APOL4: variants seen among roughly 807,000 people sequenced by gnomAD.
The protein encoded by APOL4 is apolipoprotein L, 4.
A neutral mutation model predicts 12.1 loss-of-function variants in APOL4; 14 were observed. The observed-to-expected ratio is 1.16, with a 90% CI of 0.76 to 1.81. APOL4 has a LOEUF of 1.81. Ranked by LOEUF, APOL4 falls within the 40% of genes most tolerant of loss-of-function variation. The probability of loss-of-function intolerance (pLI) is 0.00; values close to 1 mark genes in which losing one functional copy is unlikely to be tolerated. For missense variants in APOL4, 432 were observed against 423.1 expected, an observed-to-expected ratio of 1.02 and a Z score of -0.18; for synonymous variants, 171 against 160.6, an observed-to-expected ratio of 1.06 and a Z score of -0.49.
At chr22:36,202,143 G>T, upstream of APOL4, 1 of 1,570,790 alleles carries the variant, frequency 6.4e-7, no homozygotes, top group Non-Finnish European at 8.7e-7. Context: ...GTTTTGCTGT[G>T]TCACCCAGGC....
chr22:36,195,104 G>T, intron 3 of APOL4: 1 of 555,514 alleles, frequency 1.8e-6, no homozygotes. Context: ...CCCTGCCCTT[G>T]TGGGCTTCTT....
chr22:36,202,518 G>A (rs922219027), upstream of APOL4, among the ~76,000 whole-genome samples: 1 of 152,166 alleles, frequency 6.6e-6, no homozygotes, highest in African/African-American at 2.4e-5. Context: ...ACAAGGTCAG[G>A]AGATGGAGAC....
chr22:36,195,137 C>T, intron 3 of APOL4, 174 bp downstream of exon 3: 2 of 785,792 alleles, frequency 2.5e-6, no homozygotes, highest in Non-Finnish European at 3.8e-6. Flanking sequence ...TGAGGTCACT[C>T]ACTGCCAGCG....
rs1341397862 is a variant in APOL4, at chr22:36,190,403, C to T, written c.*672G>A. On this transcript the variant is annotated 3_prime_UTR_variant, in exon 4 of 4. Coordinates refer to ENST00000683024, the MANE Select transcript of APOL4 (RefSeq NM_001386885.1). ...AGGGTTTTGAGAGCAACCGGTCTGA[C>T]CAAAATTTATTAGGCGGGAATTTCC... The T allele has an allele frequency of 1.3e-5, 2 of 152,216 alleles. No individual in the cohort carries two copies. Among genetic ancestry groups the T allele is most frequent in the African/African-American group, 2.4e-5 (1 of 41,416 alleles). The allele number at this position is 152,216 out of a possible 1,614,324, so 9.4% of individuals were successfully genotyped here. A position where few individuals can be genotyped will look rare whatever the true frequency, so the allele number is the denominator to read the frequency against.
In APOL4 at chr22:36,201,712, A is replaced by T. The variant is rs1414587243; in HGVS notation, c.23T>A (p.Ile8Asn). The change falls in exon 1 of 4, where the codon ATC becomes AAC. Residue 8 changes from isoleucine to asparagine, a missense_variant. Ile to Asn is a moderately radical substitution (Grantham distance 149). Transcript: ENST00000683024. ...GCCTCGGACTCACCCGACGCTTGTGATGAGCTGCACCCAGGATCCCATCCT... is the reference window on the plus strand; with the variant it reads ...GCCTCGGACTCACCCGACGCTTGTGTTGAGCTGCACCCAGGATCCCATCCT... MGSWVQL[I>N]TSVGVQQNHP... 6.2e-7 allele frequency: 1 copy of T among 1,608,352 alleles called. No individual in the cohort carries two copies. The highest frequency in any genetic ancestry group is 8.5e-7 in the Non-Finnish European group (1 of 1,177,748).
At chr22:36,192,743 T>C (rs1392670983) in intron 3 of APOL4, among the ~76,000 whole-genome samples, 3 of 152,144 alleles carry the variant, frequency 2.0e-5, no homozygotes, top group Non-Finnish European at 2.9e-5. Flanking sequence ...CAGGCCAGTA[T>C]AGCAATGTGA....
At chr22:36,195,501 A>C in intron 2 of APOL4, 64 bp from the exon 3 acceptor site, 3 of 1,568,952 alleles carry the variant, frequency 1.9e-6, no homozygotes, top group Non-Finnish European at 2.6e-6. Flanking sequence ...GGCATTGAGT[A>C]TAAGGTGGTT....
At chr22:36,202,416 T>G (rs1436337758), upstream of APOL4, among the ~76,000 whole-genome samples, 1 of 152,188 alleles carries the variant, frequency 6.6e-6, no homozygotes, top group Non-Finnish European at 1.5e-5. Context: ...TCTATCTTGA[T>G]GGGCATCTCT....
intron 2 of APOL4, 32 bp downstream of exon 2, chr22:36,199,298 C>T (rs1293605852): frequency 6.2e-7 from 1 of 1,614,034 alleles, no homozygotes; most frequent in Admixed American, 1.7e-5. Flanking sequence ...AGGAGGCGAG[C>T]CTACCAGCAG....
chr22:36,198,528 A>G (rs1452285424), intron 2 of APOL4, among the ~76,000 whole-genome samples: 1 of 152,266 alleles, frequency 6.6e-6, no homozygotes, highest in East Asian at 1.9e-4. Flanking sequence ...CTCAGCCCAG[A>G]TAAAGAGGTG....
At chr22:36,193,329 C>A (rs913141027) in intron 3 of APOL4, among the ~76,000 whole-genome samples, 2 of 152,184 alleles carry the variant, frequency 1.3e-5, no homozygotes, top group African/African-American at 4.8e-5. Flanking sequence ...TGAATAAAGG[C>A]TTCCTTCCTG....
At position 36,191,710 on chromosome 22, in the gene APOL4, C is replaced by T. The variant is rs1401261169; in HGVS notation, c.412G>A (p.Val138Ile). The change falls in exon 4 of 4, where the codon GTC becomes ATC. Residue 138 changes from valine (V) to isoleucine (I), a missense_variant. Physicochemically the swap from Val to Ile is conservative, Grantham distance 29. Coordinates refer to ENST00000683024, the MANE Select transcript of APOL4 (RefSeq NM_001386885.1). ...NEIEKVHRGCVIANVVSGSTG... is the reference protein window; with the variant it reads ...NEIEKVHRGCIIANVVSGSTG... Reference sequence around the variant, plus strand: ...GAGCCAGACACCACATTGGCGATGACGCAGCCTCTGTGGACCTTTTCAATC... The same window carrying T: ...GAGCCAGACACCACATTGGCGATGATGCAGCCTCTGTGGACCTTTTCAATC... The T allele has an allele frequency of 2.9e-5, 46 of 1,613,962 alleles. No homozygotes were observed. The highest frequency in any genetic ancestry group is 1.2e-4 in the Admixed American group (7 of 60,012).
In APOL4 at chr22:36,201,724, C is replaced by G; in HGVS notation, c.11G>C (p.Trp4Ser). 1.2e-6 allele frequency: 2 copies of G among 1,608,446 alleles called. No homozygotes were observed. Among genetic ancestry groups the G allele is most frequent in the Non-Finnish European group, 1.7e-6 (2 of 1,177,692 alleles). ...CCCGACGCTTGTGATGAGCTGCACCCAGGATCCCATCCTCCTTGGTCATTG... is the reference window on the plus strand; with the variant it reads ...CCCGACGCTTGTGATGAGCTGCACCGAGGATCCCATCCTCCTTGGTCATTG... Reference protein sequence around the residue: MGSWVQLITSVGVQ... With the variant: MGSSVQLITSVGVQ... Residue 4 changes from tryptophan (W) to serine (S), a missense_variant, in exon 1 of 4, where the codon TGG becomes TCG. Physicochemically the swap from Trp to Ser is radical, Grantham distance 177 (BLOSUM62 -3). Coordinates refer to ENST00000683024, the MANE Select transcript of APOL4 (RefSeq NM_001386885.1).
At position 36,195,331 on chromosome 22, in the gene APOL4, C is replaced by T; in HGVS notation, c.189G>A (p.Val63=). 1 of 1,613,990 alleles carries T rather than the reference C, an allele frequency of 6.2e-7. No individual in the cohort carries two copies. The highest frequency in any genetic ancestry group is 8.5e-7 in the Non-Finnish European group (1 of 1,179,920). The change falls in exon 3 of 4, where the codon GTG becomes GTA. Residue 63 remains valine (V), a synonymous_variant. Coordinates refer to ENST00000683024, the MANE Select transcript of APOL4 (RefSeq NM_001386885.1). ...LTSDEAWKRF[V]RVAELPREEA... ...GTTACCTGGGCAATTCAGCCACACG[C>T]ACAAATCTCTTCCAGGCTTCATCGC... is the stretch of plus-strand genomic sequence containing the variant.
intron 1 of APOL4, chr22:36,199,710 T>C: frequency 2.7e-6 from 4 of 1,467,436 alleles, no homozygotes; most frequent in African/African-American, 1.4e-5. Flanking sequence ...GAAGGAACGT[T>C]CTAACAATGA....
upstream of APOL4, chr22:36,204,697 G>A (rs1458506929): frequency 7.7e-6 from 4 of 521,428 alleles, no homozygotes; most frequent in Non-Finnish European, 6.3e-6. Flanking sequence ...CTCACCTCCA[G>A]CTGTGCACCT....
At chr22:36,201,441 C>G in intron 1 of APOL4, 1 of 943,030 alleles carries the variant, frequency 1.1e-6, no homozygotes, top group Non-Finnish European at 1.5e-6. Context: ...TTCTGGGGCC[C>G]CCATGCAACA....
Position 36,191,518 on chromosome 22 carries a change from T to C in APOL4, c.604A>G (p.Ser202Gly). The C allele has an allele frequency of 2.5e-5, 41 of 1,614,086 alleles. No individual in the cohort carries two copies. Among genetic ancestry groups the C allele is most frequent in the Non-Finnish European group, 3.4e-5 (40 of 1,179,900 alleles). ...TCAGTGCTGGTTGCAGTCAGCCTGC[T>C]GGCTGTGAGTTCTGCTGACCTTGTG... Reference protein sequence around the residue: ...TYTRSAELTASRLTATSTDQL... With the variant: ...TYTRSAELTAGRLTATSTDQL... Residue 202 changes from serine (S) to glycine (G), a missense_variant, in exon 4 of 4, where the codon AGC becomes GGC. Coordinates refer to ENST00000683024, the MANE Select transcript of APOL4 (RefSeq NM_001386885.1).
chr22:36,203,367 C>A (rs750437684), upstream of APOL4, among the ~76,000 whole-genome samples: 1 of 152,234 alleles, frequency 6.6e-6, no homozygotes, highest in African/African-American at 2.4e-5. Context: ...CATTTGATTA[C>A]GAGGTGGGAT....
Sources: gnomAD v4.1 joint callset for allele counts (sites outside exome capture counted in the v4.1 genomes callset) on GRCh38, gnomAD v4.1.1 for gene constraint, MANE v1.5 for transcripts, NCBI Gene and HGNC (gene_info 2026-07-23, HGNC 2026-07-21) for gene names.